Variants in AGAP1 observed in about 807,000 individuals in gnomAD.
AGAP1 encodes arf-GAP with GTPase, ANK repeat and PH domain-containing protein 1.
AGAP1 carries 29 observed loss-of-function variants against 105.3 expected under a neutral mutation model. That is an observed-to-expected ratio of 0.28 (90% CI 0.21 to 0.38). AGAP1 has a LOEUF of 0.38. Among genes scored for constraint, AGAP1 ranks in the 10% least tolerant of loss-of-function variants. The probability of loss-of-function intolerance (pLI) is 1.00; values close to 1 mark genes in which losing one functional copy is unlikely to be tolerated. For missense variants in AGAP1, 998 were observed against 1,165.1 expected (o/e 0.86, Z 2.09); for synonymous variants, 509 against 485.9 (o/e 1.05, Z -0.63).
At chr2:235,881,999 T>C (rs565061628) in intron 9 of AGAP1, among the ~76,000 whole-genome samples, 2 of 152,314 alleles carry the variant, frequency 1.3e-5, no homozygotes, top group Admixed American at 6.5e-5. Flanking sequence ...TTTACAAATA[T>C]AAGGTGAGAA....
At position 236,090,766 on chromosome 2, in the gene AGAP1, T is replaced by G. The variant is rs943294491; in HGVS notation, c.2115-29426T>G. ...TTTGTTTTGTTTTTTTGAGACAGAG[T>G]TTGGTTCTTGTTGCCCAGCCTGGAG... is the stretch of plus-strand genomic sequence containing the variant. On this transcript the variant is annotated intron_variant, in intron 16 of 17. Transcript: ENST00000304032. This position sits in a 1 kb window ranked among gnomAD's most constrained non-coding sequence, Gnocchi z 4.3. Among the ~76,000 whole-genome samples, 5 of 152,140 alleles carry G rather than the reference T, an allele frequency of 3.3e-5. No homozygotes were observed. Among genetic ancestry groups the G allele is most frequent in the African/African-American group, 1.2e-4 (5 of 41,416 alleles).
Position 235,744,760 on chromosome 2 carries a change from G to T in AGAP1, c.459G>T (p.Gln153His), listed in dbSNP as rs1952798869. ...GCTTGGAGGATGAAATAAGTTTCCA[G>T]ACCGTTTACCACTACTACAGTCGAA... ...VFSLEDEISFQTVYHYYSRMA... is the reference protein window; with the variant it reads ...VFSLEDEISFHTVYHYYSRMA... Residue 153 changes from glutamine (Q) to histidine (H), a missense_variant, in exon 5 of 18, where the codon CAG becomes CAT. Coordinates refer to ENST00000304032, the MANE Select transcript of AGAP1 (RefSeq NM_001037131.3). This position sits in a 1 kb window ranked among gnomAD's most constrained non-coding sequence, Gnocchi z 5.2. 1 of 1,613,858 alleles carries T rather than the reference G, an allele frequency of 6.2e-7. No individual in the cohort carries two copies. The highest frequency in any genetic ancestry group is 1.7e-5 in the Admixed American group (1 of 59,966).
intron 16 of AGAP1, among the ~76,000 whole-genome samples, chr2:236,052,701 C>A (rs2125721129): frequency 6.6e-6 from 1 of 152,220 alleles, no homozygotes; most frequent in African/African-American, 2.4e-5. Context: ...GATTCTGCAA[C>A]AACTGCCATT....
chr2:235,935,604 G>A (rs6431413), intron 12 of AGAP1, among the ~76,000 whole-genome samples: 5 of 151,858 alleles, frequency 3.3e-5, no homozygotes, highest in Non-Finnish European at 5.9e-5. Context: ...TAGTGAGCCC[G>A]TGACCACCAA....
At position 235,553,957 on chromosome 2, in the gene AGAP1, C is replaced by G. The variant is rs1485537521; in HGVS notation, c.163+59108C>G. On this transcript the variant is annotated intron_variant, in intron 1 of 17. Transcript: ENST00000304032. This position sits in a 1 kb window ranked among gnomAD's most constrained non-coding sequence, Gnocchi z 4.5. ...CCAAGACCAGCCCTCTGAGGTCAGC[C>G]CTCCTGGACCCCTTACTGGGTGGAC... Among the ~76,000 whole-genome samples the G allele has an allele frequency of 6.6e-6, 1 of 152,222 alleles. No individual in the cohort carries two copies. Among genetic ancestry groups the G allele is most frequent in the Non-Finnish European group, 1.5e-5 (1 of 68,038 alleles).
intron 16 of AGAP1, among the ~76,000 whole-genome samples, chr2:236,099,965 G>GAATT (rs1289992659): frequency 6.6e-6 from 1 of 151,890 alleles, no homozygotes; most frequent in Non-Finnish European, 1.5e-5. Flanking sequence ...GGTTGAACCC[G>GAATT]GGAGGCAGAG....
intron 1 of AGAP1, among the ~76,000 whole-genome samples, chr2:235,677,235 A>G (rs1251375971): frequency 6.6e-6 from 1 of 151,930 alleles, no homozygotes; most frequent in Non-Finnish European, 1.5e-5. Flanking sequence ...TCATTTTCCT[A>G]GTTGATTTTT....
chr2:236,033,341 G>A (rs1283401903), intron 13 of AGAP1, among the ~76,000 whole-genome samples: 1 of 152,182 alleles, frequency 6.6e-6, no homozygotes, highest in Admixed American at 6.5e-5. Flanking sequence ...TGATGTTCCT[G>A]TGAACACTTA....
chr2:235,551,922 G>A lies in AGAP1; in HGVS notation c.163+57073G>A, dbSNP rs1330131592. 6.6e-6 allele frequency among the ~76,000 whole-genome samples: 1 copy of A among 152,226 alleles called. No homozygotes were observed. Among genetic ancestry groups the A allele is most frequent in the Non-Finnish European group, 1.5e-5 (1 of 68,040 alleles). Reference sequence around the variant, plus strand: ...TTCAGCTGTGAGGAGCCAGGAGGGCGATCCCAGCTTTCTCCTGGTTAATTT... The same window carrying A: ...TTCAGCTGTGAGGAGCCAGGAGGGCAATCCCAGCTTTCTCCTGGTTAATTT... On this transcript the variant is annotated intron_variant, in intron 1 of 17. Coordinates refer to ENST00000304032, the MANE Select transcript of AGAP1 (RefSeq NM_001037131.3). This position sits in a 1 kb window ranked among gnomAD's most constrained non-coding sequence, Gnocchi z 4.8.
chr2:235,827,073 C>T (rs747950270), intron 9 of AGAP1, among the ~76,000 whole-genome samples: 8 of 152,284 alleles, frequency 5.3e-5, no homozygotes, highest in Admixed American at 1.3e-4. Context: ...GTTTGTAGTG[C>T]GGCTTGTGCG....
rs2052673414 is a variant in AGAP1, at chr2:235,930,598, C to A, written c.1325-167C>A. ...GATTGGCGTCCCCCTTTTATTCCTC[C>A]CGAATAGTTTCTGTCTGGCGCTTCC... On this transcript the variant is annotated intron_variant, in intron 11 of 17. Coordinates refer to ENST00000304032, the MANE Select transcript of AGAP1 (RefSeq NM_001037131.3). This position sits in a 1 kb window ranked among gnomAD's most constrained non-coding sequence, Gnocchi z 7.9. Among the ~76,000 whole-genome samples the A allele has an allele frequency of 6.6e-6, 1 of 151,540 alleles. No individual in the cohort carries two copies. Among genetic ancestry groups the A allele is most frequent in the African/African-American group, 2.4e-5 (1 of 41,194 alleles).
Position 235,889,289 on chromosome 2 carries a change from A to AGC in AGAP1, c.1155+5840_1155+5841insGC, listed in dbSNP as rs1559611563. 6.6e-6 allele frequency among the ~76,000 whole-genome samples: 1 copy of AGC among 151,578 alleles called. No individual in the cohort carries two copies. The highest frequency in any genetic ancestry group is 2.4e-5 in the African/African-American group (1 of 41,236). On this transcript the variant is annotated intron_variant, in intron 10 of 17. Coordinates refer to ENST00000304032, the MANE Select transcript of AGAP1 (RefSeq NM_001037131.3). This position sits in a 1 kb window ranked among gnomAD's most constrained non-coding sequence, Gnocchi z 4.6. Reference sequence around the variant, plus strand: ...AAGCAGCCAGTCATGAAACTGGGGAAACCTGACATTGCAGGACACCGTGGG... The same window carrying AGC: ...AAGCAGCCAGTCATGAAACTGGGGAAGCACCTGACATTGCAGGACACCGTGGG...
intron 1 of AGAP1, among the ~76,000 whole-genome samples, chr2:235,653,251 G>A (rs2149327000): frequency 6.6e-6 from 1 of 152,162 alleles, no homozygotes; most frequent in African/African-American, 2.4e-5. Flanking sequence ...GGATCACGAG[G>A]TCAGGAGATC....
chr2:235,762,351 G>C (rs549928073), intron 6 of AGAP1, among the ~76,000 whole-genome samples: 1 of 152,234 alleles, frequency 6.6e-6, no homozygotes, highest in East Asian at 1.9e-4. Context: ...TGTAGGTTGA[G>C]CCTGGCCAGA....
At chr2:235,848,116 G>T (rs1166678383) in intron 9 of AGAP1, among the ~76,000 whole-genome samples, 1 of 152,118 alleles carries the variant, frequency 6.6e-6, no homozygotes, top group African/African-American at 2.4e-5. Flanking sequence ...TCTGTCACTC[G>T]CCATCATCCT....
intron 1 of AGAP1, among the ~76,000 whole-genome samples, chr2:235,648,539 A>G (rs1947467824): frequency 6.6e-6 from 1 of 152,018 alleles, no homozygotes; most frequent in African/African-American, 2.4e-5. Flanking sequence ...CACACTGTAC[A>G]TTCAGCCACA....
chr2:235,847,848 T>C (rs1213956756), intron 9 of AGAP1, among the ~76,000 whole-genome samples: 1 of 152,234 alleles, frequency 6.6e-6, no homozygotes, highest in Non-Finnish European at 1.5e-5. Context: ...CAGGAAGTGC[T>C]CCTGTTCCTG....
intron 1 of AGAP1, among the ~76,000 whole-genome samples, chr2:235,661,152 T>A (rs1462158184): frequency 3.3e-5 from 5 of 152,010 alleles, no homozygotes; most frequent in Non-Finnish European, 5.9e-5. Context: ...CTGAGACAGA[T>A]GAAGAGGCTG....
chr2:235,497,930 A>T (rs779330475), intron 1 of AGAP1, among the ~76,000 whole-genome samples: 1 of 151,976 alleles, frequency 6.6e-6, no homozygotes, highest in Non-Finnish European at 1.5e-5. Context: ...GCTTTTGAAG[A>T]TAGGGTTTCT....
Sources: gnomAD v4.1 joint callset for allele counts (sites outside exome capture counted in the v4.1 genomes callset) on GRCh38, gnomAD v4.1.1 for gene constraint, Gnocchi (gnomAD v3.1) non-coding constraint, MANE v1.5 for transcripts, NCBI Gene and HGNC (gene_info 2026-07-23, HGNC 2026-07-21) for gene names.